CADM2: variants seen among roughly 807,000 people sequenced by gnomAD.
The protein encoded by CADM2 is immunoglobulin superfamily member 4D.
CADM2 carries 12 observed loss-of-function variants against 49.8 expected under a neutral mutation model. That is an observed-to-expected ratio of 0.24 (90% confidence interval 0.15 to 0.39). CADM2 has a LOEUF of 0.39. CADM2 is among the 10% of genes least tolerant of loss of function. The pLI is 1.00. For synonymous variants in CADM2, 214 were observed against 175.4 expected (o/e 1.22, Z -1.74); for missense variants, 378 against 492.3 (o/e 0.77, Z 2.20).
intron 1 of CADM2, among the ~76,000 whole-genome samples, chr3:85,591,106 A>C: frequency 6.6e-6 from 1 of 152,096 alleles, no homozygotes; most frequent in East Asian, 1.9e-4. Context: ...CCTGAAAATC[A>C]ACAATTTGTT....
At chr3:85,487,922 C>G (rs999710940) in intron 1 of CADM2, among the ~76,000 whole-genome samples, 2 of 152,010 alleles carry the variant, frequency 1.3e-5, no homozygotes, top group African/African-American at 4.8e-5. Context: ...AACTGTTGTT[C>G]CTCTTGCCCC....
chr3:85,841,782 C>A (rs2074649574), intron 3 of CADM2, among the ~76,000 whole-genome samples: 1 of 151,952 alleles, frequency 6.6e-6, no homozygotes. Context: ...TAACATTATT[C>A]TTTGTTTAAT....
intron 1 of CADM2, among the ~76,000 whole-genome samples, chr3:85,321,091 C>CAAATATAT (rs2044587819): frequency 3.1e-5 from 2 of 64,748 alleles, no homozygotes; most frequent in Non-Finnish European, 5.4e-5. Flanking sequence ...TAGATATATA[C>CAAATATAT]ATATATATAT....
chr3:85,582,141 G>A (rs943458337), intron 1 of CADM2, among the ~76,000 whole-genome samples: 17 of 152,020 alleles, frequency 1.1e-4, no homozygotes, highest in Non-Finnish European at 1.5e-4. Context: ...GGCCAGGATG[G>A]TCTCGATCTC....
At chr3:85,377,659 G>T (rs1454110090) in intron 1 of CADM2, among the ~76,000 whole-genome samples, 2 of 151,994 alleles carry the variant, frequency 1.3e-5, no homozygotes, top group African/African-American at 4.8e-5. Context: ...TTGCATTAGG[G>T]TGTGACCTTT....
At chr3:85,592,190 CATATT>C (rs2063125751) in intron 1 of CADM2, among the ~76,000 whole-genome samples, 2 of 151,880 alleles carry the variant, frequency 1.3e-5, no homozygotes, top group African/African-American at 2.4e-5. Flanking sequence ...ATTGATAAAA[CATATT>C]ATTATCTAAT....
At chr3:85,440,070 G>A (rs1486701479) in intron 1 of CADM2, among the ~76,000 whole-genome samples, 1 of 152,146 alleles carries the variant, frequency 6.6e-6, no homozygotes, top group African/African-American at 2.4e-5. Flanking sequence ...AATTATAAGA[G>A]GAGTATCTTA....
chr3:85,356,721 TCATTTTCCATTTACA>T (rs796359218), intron 1 of CADM2, among the ~76,000 whole-genome samples: 2 of 152,300 alleles, frequency 1.3e-5, no homozygotes, highest in East Asian at 3.9e-4. Flanking sequence ...AATGTCCTGT[TCATTTTCCATTTACA>T]TTTGAATTTT....
chr3:85,729,111 A>G (rs778995066), intron 2 of CADM2, among the ~76,000 whole-genome samples: 1 of 152,070 alleles, frequency 6.6e-6, no homozygotes, highest in Non-Finnish European at 1.5e-5. Context: ...CAATCCTCAT[A>G]TTGCTATTTT....
At chr3:85,982,312 A>T (rs771883825) in intron 8 of CADM2, among the ~76,000 whole-genome samples, 87 of 151,510 alleles carry the variant, frequency 5.7e-4, no homozygotes, top group Non-Finnish European at 1.1e-3. Context: ...TCCCTTAAAC[A>T]CTCAACCAAC....
intron 1 of CADM2, among the ~76,000 whole-genome samples, chr3:85,363,840 T>A (rs1049994877): frequency 5.9e-5 from 9 of 151,784 alleles, no homozygotes; most frequent in Non-Finnish European, 1.2e-4. Flanking sequence ...CTCCATCTCC[T>A]GACCTCGTGA....
intron 1 of CADM2, among the ~76,000 whole-genome samples, chr3:85,341,378 A>G (rs1429770746): frequency 6.6e-6 from 1 of 151,918 alleles, no homozygotes; most frequent in Non-Finnish European, 1.5e-5. Context: ...ATCCAAATAG[A>G]GTCTATTTTA....
intron 1 of CADM2, among the ~76,000 whole-genome samples, chr3:85,492,586 T>TA (rs906522487): frequency 2.8e-4 from 42 of 151,102 alleles, no homozygotes; most frequent in African/African-American, 5.6e-4. Flanking sequence ...GGACTCCATT[T>TA]AAAAAAAAAT....
intron 1 of CADM2, among the ~76,000 whole-genome samples, chr3:85,052,823 A>G (rs2035936545): frequency 1.3e-5 from 2 of 152,090 alleles, no homozygotes; most frequent in Admixed American, 1.3e-4. Flanking sequence ...TGTCTTTTAT[A>G]TTACAAAAAC....
chr3:85,229,820 T>G (rs2042247553), intron 1 of CADM2, among the ~76,000 whole-genome samples: 1 of 152,206 alleles, frequency 6.6e-6, no homozygotes, highest in South Asian at 2.1e-4. Context: ...ATAGCCTTTC[T>G]TGGCTCCGTT....
chr3:85,655,971 C>CTT (rs10683634), intron 1 of CADM2, among the ~76,000 whole-genome samples: 30,899 of 148,174 alleles, frequency 0.21, 3,557 homozygotes, highest in East Asian at 0.52. Context: ...CCAAAAGTTC[C>CTT]TTTTTTTTTT....
At chr3:85,713,675 C>A (rs2067193345) in intron 1 of CADM2, among the ~76,000 whole-genome samples, 1 of 152,102 alleles carries the variant, frequency 6.6e-6, no homozygotes, top group African/African-American at 2.4e-5. Flanking sequence ...GTCAGAGGTC[C>A]TTAATTATAT....
chr3:85,485,630 A>T (rs2039387235), intron 1 of CADM2, among the ~76,000 whole-genome samples: 1 of 151,958 alleles, frequency 6.6e-6, no homozygotes, highest in African/African-American at 2.4e-5. Context: ...ATCATAGTTA[A>T]TTGCTTAAAA....
chr3:85,555,081 C>CT (rs1164555926), intron 1 of CADM2, among the ~76,000 whole-genome samples: 1 of 151,744 alleles, frequency 6.6e-6, no homozygotes, highest in Non-Finnish European at 1.5e-5. Context: ...AAAAAAAAAT[C>CT]TAACTGTGTG....
Sources: allele counts gnomAD v4.1 joint callset (sites outside exome capture counted in the v4.1 genomes callset), GRCh38; gene constraint gnomAD v4.1.1; transcripts MANE v1.5; gene names NCBI Gene and HGNC (gene_info 2026-07-23, HGNC 2026-07-21).